The following TRPM2 variants were observed in gnomAD, a reference collection of about 807,000 sequenced individuals.
TRPM2 encodes the protein transient receptor potential cation channel subfamily M member 2, also known as estrogen-responsive element-associated gene 1 protein.
Under a neutral mutation model 174.0 loss-of-function variants are expected in TRPM2, and 161 were observed. That is an observed-to-expected ratio of 0.93 (90% confidence interval 0.81 to 1.05). The LOEUF (loss-of-function observed/expected upper bound fraction) is 1.05, where lower values mean the gene tolerates loss of function less well. TRPM2 is among the 50% of genes least tolerant of loss of function. The probability of loss-of-function intolerance (pLI) is 0.00; values close to 1 mark genes in which losing one functional copy is unlikely to be tolerated. For synonymous variants in TRPM2, 954 were observed against 861.3 expected, an observed-to-expected ratio of 1.11 and a Z score of -1.88; for missense variants, 2,057 against 2,038.0, an observed-to-expected ratio of 1.01 and a Z score of -0.18.
In TRPM2 at chr21:44,435,227, T is replaced by C. The variant is rs1339764672; in HGVS notation, c.4061+10T>C. ...ACCCCATGGTCACGCGGTGAGTTCA[T>C]GTGTGCCGGGCACCAGCACCTCAGC... On this transcript the variant is annotated intron_variant, in intron 28 of 31. Coordinates refer to ENST00000397928, the MANE Select transcript of TRPM2 (RefSeq NM_003307.4). 3 of 1,610,930 alleles carry C rather than the reference T, an allele frequency of 1.9e-6. No homozygotes were observed. Among genetic ancestry groups the C allele is most frequent in the Admixed American group, 1.7e-5 (1 of 59,920 alleles).
chr21:44,374,640 C>G (rs138761673), intron 5 of TRPM2, among the ~76,000 whole-genome samples: 11 of 152,224 alleles, frequency 7.2e-5, no homozygotes, highest in African/African-American at 2.6e-4. Flanking sequence ...ACCTAGGTCC[C>G]TCGCATGCAC....
chr21:44,379,235 T>C (rs748311944), intron 8 of TRPM2, 38 bp downstream of exon 8: 1 of 1,600,154 alleles, frequency 6.2e-7, no homozygotes, highest in South Asian at 1.1e-5. Context: ...AGCATGTGGC[T>C]GCTTTGCAGA....
chr21:44,395,335 C>A, intron 11 of TRPM2, 79 bp from the exon 12 acceptor site: 1 of 1,544,168 alleles, frequency 6.5e-7, no homozygotes, highest in South Asian at 1.2e-5. Flanking sequence ...GGGGTCAGGG[C>A]CTGCACCTCT....
intron 27 of TRPM2, among the ~76,000 whole-genome samples, chr21:44,429,930 A>T (rs958819448): frequency 9.9e-5 from 15 of 152,194 alleles, no homozygotes; most frequent in Non-Finnish European, 1.6e-4. Flanking sequence ...GAAATTTATA[A>T]ATACCTTTTA....
intron 9 of TRPM2, among the ~76,000 whole-genome samples, chr21:44,390,062 C>T (rs1366236335): frequency 6.6e-6 from 1 of 152,016 alleles, no homozygotes; most frequent in African/African-American, 2.4e-5. Context: ...TTAGTAAAGA[C>T]AGGGTTTCGC....
chr21:44,418,991 G>A (rs184678657), intron 22 of TRPM2, among the ~76,000 whole-genome samples: 11 of 152,326 alleles, frequency 7.2e-5, no homozygotes, highest in Non-Finnish European at 8.8e-5. Context: ...GCTCAGCACC[G>A]TCCTCCCTCT....
At chr21:44,430,418 T>TAACTAC (rs1246599172) in intron 27 of TRPM2, among the ~76,000 whole-genome samples, 1 of 37,150 alleles carries the variant, frequency 2.7e-5, no homozygotes, top group African/African-American at 1.1e-4. Context: ...AGTGGATTTC[T>TAACTAC]TTTTTTTTTT....
intron 15 of TRPM2, 123 bp downstream of exon 15, chr21:44,400,494 C>G (rs139537654): frequency 3.6e-6 from 3 of 844,648 alleles, no homozygotes; most frequent in Middle Eastern, 3.5e-4. Flanking sequence ...TCAGAATTGT[C>G]CCTGGATCCT....
intron 2 of TRPM2, among the ~76,000 whole-genome samples, chr21:44,358,849 C>T (rs930646996): frequency 6.6e-6 from 1 of 152,066 alleles, no homozygotes. Context: ...CGGGGACCTT[C>T]GCGGTGAGTG....
chr21:44,391,701 T>A lies in TRPM2; in HGVS notation c.1794+76T>A. ...CTATGTTCTTAGAGCTCTCTGTTTT[T>A]AAAATTAGCTTTTATTTTTATTAGA... On this transcript the variant is annotated intron_variant, in intron 11 of 31. Coordinates refer to ENST00000397928, the MANE Select transcript of TRPM2 (RefSeq NM_003307.4). This position sits in a 1 kb window ranked among gnomAD's most constrained non-coding sequence, Gnocchi z 5.0. The A allele has an allele frequency of 7.7e-7, 1 of 1,299,230 alleles. No homozygotes were observed. The highest frequency in any genetic ancestry group is 1.0e-6 in the Non-Finnish European group (1 of 968,564). 80.5% of individuals were successfully genotyped at this position (1,299,230 alleles called of 1,614,324 possible). A position where few individuals can be genotyped will look rare whatever the true frequency, so the allele number is the denominator to read the frequency against.
intron 30 of TRPM2, among the ~76,000 whole-genome samples, chr21:44,440,288 G>T (rs548820466): frequency 2.1e-5 from 2 of 96,994 alleles, no homozygotes; most frequent in African/African-American, 1.1e-4. Context: ...GTGAGCCGAG[G>T]TTGCACCACT....
At chr21:44,378,943 GC>G (rs985741921) in intron 7 of TRPM2, 53 bp from the exon 8 acceptor site, 2 of 1,557,676 alleles carry the variant, frequency 1.3e-6, no homozygotes, top group African/African-American at 2.7e-5. Flanking sequence ...ATTTCAGAAA[GC>G]ATCGGAGCGG....
chr21:44,422,118 A>G (rs1440275698), intron 22 of TRPM2, among the ~76,000 whole-genome samples: 3 of 152,210 alleles, frequency 2.0e-5, no homozygotes, highest in African/African-American at 4.8e-5. Flanking sequence ...AAAGTGAGGA[A>G]AGAGCTCCTC....
intron 22 of TRPM2, chr21:44,422,442 G>C: frequency 6.5e-7 from 1 of 1,534,316 alleles, no homozygotes; most frequent in Non-Finnish European, 8.7e-7. Flanking sequence ...GGCTTTTGTG[G>C]GATTAAGCAA....
upstream of TRPM2, among the ~76,000 whole-genome samples, chr21:44,352,427 CGT>C (rs1569002378): frequency 6.6e-6 from 1 of 152,224 alleles, no homozygotes; most frequent in Admixed American, 6.5e-5. Flanking sequence ...CTTCGAGCTG[CGT>C]GGCCCCGAAG....
At position 44,391,473 on chromosome 21, in the gene TRPM2, G is replaced by T; in HGVS notation, c.1642G>T (p.Ala548Ser). 1 of 1,610,398 alleles carries T rather than the reference G, an allele frequency of 6.2e-7. No homozygotes were observed. The highest frequency in any genetic ancestry group is 8.5e-7 in the Non-Finnish European group (1 of 1,179,708). Residue 548 changes from alanine (A) to serine (S), a missense_variant, in exon 11 of 32, where the codon GCT (alanine) becomes TCT (serine). By Grantham distance (99) the Ala-to-Ser change is moderately conservative. Transcript: ENST00000397928. This position sits in a 1 kb window ranked among gnomAD's most constrained non-coding sequence, Gnocchi z 5.0. ...KVLVEDPERP[A>S]CAPAAPRLQM... is the part of the protein sequence containing the mutation. The stretch of plus-strand genomic sequence containing the variant: ...GCTGGTGGAGGATCCCGAGCGCCCG[G>T]CTTGCGCGCCCGCGGCGCCCCGCCT...
intron 2 of TRPM2, among the ~76,000 whole-genome samples, chr21:44,355,066 T>G (rs2048016621): frequency 6.6e-6 from 1 of 152,204 alleles, no homozygotes; most frequent in South Asian, 2.1e-4. Flanking sequence ...TTTCCACACC[T>G]GCCCCCACCC....
At chr21:44,378,013 C>A (rs549970607) in intron 7 of TRPM2, among the ~76,000 whole-genome samples, 2 of 152,168 alleles carry the variant, frequency 1.3e-5, no homozygotes, top group Non-Finnish European at 2.9e-5. Flanking sequence ...GGCCATTGAC[C>A]GGCGTGGAAG....
chr21:44,441,761 G>A lies in TRPM2; in HGVS notation c.4456G>A (p.Ala1486Thr). 1 of 1,612,186 alleles carries A rather than the reference G, an allele frequency of 6.2e-7. No homozygotes were observed. Among genetic ancestry groups the A allele is most frequent in the Non-Finnish European group, 8.5e-7 (1 of 1,179,196 alleles). The change falls in exon 32 of 32, where the codon GCG (alanine) becomes ACG (threonine). Residue 1486 changes from alanine to threonine, a missense_variant. Ala to Thr is a moderately conservative substitution (Grantham distance 58, BLOSUM62 0). Coordinates refer to ENST00000397928, the MANE Select transcript of TRPM2 (RefSeq NM_003307.4). The stretch of plus-strand genomic sequence containing the variant: ...GGTGGACAGGCGCATCCCACTCTAT[G>A]CGAACCACAAGACCCTCCTCCAGAA... ...QVVDRRIPLY[A>T]NHKTLLQKAA...
Sources: allele counts gnomAD v4.1 joint callset (sites outside exome capture counted in the v4.1 genomes callset), GRCh38; gene constraint gnomAD v4.1.1; non-coding constraint Gnocchi (gnomAD v3.1); transcripts MANE v1.5; gene names NCBI Gene and HGNC (gene_info 2026-07-23, HGNC 2026-07-21).